AMBRA1: variants seen among roughly 807,000 people sequenced by gnomAD.
AMBRA1 encodes activating molecule in BECN1-regulated autophagy protein 1.
Under a neutral mutation model 125.4 loss-of-function variants are expected in AMBRA1, and 47 were observed. That is an observed-to-expected ratio of 0.37 (90% CI 0.30 to 0.48). AMBRA1 has a LOEUF of 0.48. Among genes scored for constraint, AMBRA1 ranks in the 20% least tolerant of loss-of-function variants. The probability of loss-of-function intolerance (pLI) is 0.99; values close to 1 mark genes in which losing one functional copy is unlikely to be tolerated. For missense variants in AMBRA1, 1,331 were observed against 1,693.4 expected, an observed-to-expected ratio of 0.79 and a Z score of 3.76; for synonymous variants, 626 against 655.5, an observed-to-expected ratio of 0.95 and a Z score of 0.69.
At chr11:46,587,914 A>C (rs998539873) in intron 1 of AMBRA1, among the ~76,000 whole-genome samples, 2 of 152,216 alleles carry the variant, frequency 1.3e-5, no homozygotes, top group African/African-American at 4.8e-5. Context: ...TCTGATGGGA[A>C]TATTTCTGAC....
intron 1 of AMBRA1, among the ~76,000 whole-genome samples, chr11:46,585,362 A>C (rs892134933): frequency 5.3e-5 from 8 of 150,550 alleles, no homozygotes; most frequent in Non-Finnish European, 4.4e-5. Context: ...ATAAATAAAT[A>C]AATAAATAAT....
chr11:46,591,343 G>A (rs1419563335), intron 1 of AMBRA1: 1 of 152,172 alleles, frequency 6.6e-6, no homozygotes, highest in African/African-American at 2.4e-5. Context: ...AAGATAGTCT[G>A]GTGGCTCTTC....
At chr11:46,571,347 T>A (rs1317517380) in intron 1 of AMBRA1, among the ~76,000 whole-genome samples, 1 of 152,052 alleles carries the variant, frequency 6.6e-6, no homozygotes, top group South Asian at 2.1e-4. Context: ...ATATACAGAG[T>A]TAAAAGTGAC....
intron 8 of AMBRA1, among the ~76,000 whole-genome samples, chr11:46,509,260 A>G (rs1014426888): frequency 6.6e-5 from 10 of 152,192 alleles, no homozygotes; most frequent in Non-Finnish European, 1.0e-4. Context: ...GTTATATACA[A>G]TTCTCCACAT....
chr11:46,434,571 T>C (rs927918554), intron 13 of AMBRA1, among the ~76,000 whole-genome samples: 1 of 152,226 alleles, frequency 6.6e-6, no homozygotes, highest in Non-Finnish European at 1.5e-5. Context: ...AAATACACAA[T>C]GCCAAACTGT....
intron 15 of AMBRA1, among the ~76,000 whole-genome samples, chr11:46,413,710 C>T (rs1483583234): frequency 6.6e-6 from 1 of 152,106 alleles, no homozygotes; most frequent in Non-Finnish European, 1.5e-5. Flanking sequence ...AGGCTGGTCT[C>T]GAACTCCTGA....
At chr11:46,425,376 G>A (rs1237332356) in intron 14 of AMBRA1, among the ~76,000 whole-genome samples, 1 of 150,484 alleles carries the variant, frequency 6.6e-6, no homozygotes, top group East Asian at 2.0e-4. Flanking sequence ...CTCTGTTCAG[G>A]ACAGGGATTA....
In AMBRA1 at chr11:46,397,104, T is replaced by C. The variant is rs1196418030; in HGVS notation, c.*346A>G. 3 of 200,518 alleles carry C rather than the reference T, an allele frequency of 1.5e-5. No individual in the cohort carries two copies. Among genetic ancestry groups the C allele is most frequent in the Non-Finnish European group, 3.0e-5 (3 of 100,428 alleles). 12.4% of individuals were successfully genotyped at this position (200,518 alleles called of 1,614,324 possible). Reference sequence around the variant, plus strand: ...GATTGGCCCAGATCTGGAAGACTGTTCACTCTCTGGAGGCTCTCTGTCCAG... The same window carrying C: ...GATTGGCCCAGATCTGGAAGACTGTCCACTCTCTGGAGGCTCTCTGTCCAG... On this transcript the variant is annotated 3_prime_UTR_variant, in exon 18 of 18. Transcript: ENST00000683756.
At position 46,534,792 on chromosome 11, in the gene AMBRA1, G is replaced by A. The variant is rs184711854; in HGVS notation, c.2072+7153C>T. Among the ~76,000 whole-genome samples, 20 of 152,264 alleles carry A rather than the reference G, an allele frequency of 1.3e-4. No homozygotes were observed. In the East Asian group the frequency reaches 1.9e-3, roughly 15 times the overall value. ...GAGCTCAAGCGATCCTCCCACCTCAGCCCCACGAGTAGCTGGGACTACAGG... is the reference window on the plus strand; with the variant it reads ...GAGCTCAAGCGATCCTCCCACCTCAACCCCACGAGTAGCTGGGACTACAGG... On this transcript the variant is annotated intron_variant, in intron 7 of 17. Coordinates refer to ENST00000683756, the MANE Select transcript of AMBRA1 (RefSeq NM_001387011.1).
intron 1 of AMBRA1, among the ~76,000 whole-genome samples, chr11:46,573,631 G>A (rs1333152845): frequency 5.4e-5 from 8 of 148,488 alleles, no homozygotes; most frequent in Non-Finnish European, 1.0e-4. Flanking sequence ...GTCTTCCAGG[G>A]TTTCTCTTTT....
chr11:46,509,300 C>T (rs999885731), intron 8 of AMBRA1, among the ~76,000 whole-genome samples: 1 of 152,170 alleles, frequency 6.6e-6, no homozygotes, highest in Non-Finnish European at 1.5e-5. Context: ...CCATCTCTCA[C>T]AACAGTATTA....
At chr11:46,511,739 AT>A (rs1951265133) in intron 8 of AMBRA1, among the ~76,000 whole-genome samples, 1 of 152,260 alleles carries the variant, frequency 6.6e-6, no homozygotes. Flanking sequence ...CTGCAGATGA[AT>A]GTTATCCATT....
intron 11 of AMBRA1, among the ~76,000 whole-genome samples, chr11:46,447,571 G>A (rs1381012093): frequency 3.3e-5 from 5 of 152,054 alleles, no homozygotes; most frequent in Non-Finnish European, 5.9e-5. Context: ...AAATTAGCCA[G>A]GTGTGGTGGC....
chr11:46,492,438 T>C (rs1390168660), intron 11 of AMBRA1, among the ~76,000 whole-genome samples: 1 of 152,204 alleles, frequency 6.6e-6, no homozygotes, highest in East Asian at 1.9e-4. Context: ...AACCATCACA[T>C]GGCCCAGATT....
At chr11:46,460,904 T>C (rs78957082) in intron 11 of AMBRA1, among the ~76,000 whole-genome samples, 2,485 of 152,188 alleles carry the variant, frequency 0.016, 67 homozygotes, top group African/African-American at 0.057. Context: ...CTGGGCAACA[T>C]AGTGAGACCA....
At chr11:46,420,086 C>A (rs1946776645) in intron 14 of AMBRA1, among the ~76,000 whole-genome samples, 4 of 151,234 alleles carry the variant, frequency 2.6e-5, no homozygotes, top group Admixed American at 2.6e-4. Flanking sequence ...TCCAGAATGG[C>A]CTAGCTATGG....
intron 1 of AMBRA1, among the ~76,000 whole-genome samples, chr11:46,560,321 A>C (rs2043290130): frequency 6.6e-6 from 1 of 152,202 alleles, no homozygotes; most frequent in Non-Finnish European, 1.5e-5. Context: ...AATTTTACAA[A>C]ATGTTTTGAA....
At chr11:46,570,916 A>G (rs984124043) in intron 1 of AMBRA1, among the ~76,000 whole-genome samples, 4 of 152,210 alleles carry the variant, frequency 2.6e-5, no homozygotes, top group Non-Finnish European at 4.4e-5. Flanking sequence ...GAACTGGAAA[A>G]AAAATAAATG....
chr11:46,517,485 T>G (rs1356441819), intron 7 of AMBRA1, among the ~76,000 whole-genome samples: 18 of 145,392 alleles, frequency 1.2e-4, no homozygotes, highest in Admixed American at 2.7e-4. Context: ...TTTTTTTTTT[T>G]TTTTTTTTTT....
Sources: gnomAD v4.1 joint callset for allele counts (sites outside exome capture counted in the v4.1 genomes callset) on GRCh38, gnomAD v4.1.1 for gene constraint, MANE v1.5 for transcripts, NCBI Gene and HGNC (gene_info 2026-07-23, HGNC 2026-07-21) for gene names.